CEP112: variants seen among roughly 807,000 people sequenced by gnomAD.
CEP112 encodes the protein centrosomal protein 112.
In CEP112, 127 loss-of-function variants were observed where a neutral mutation model predicts 153.0. The ratio of observed to expected loss-of-function variants is 0.83; its 90% confidence interval spans 0.72 to 0.96. The LOEUF is 0.96. Among genes scored for constraint, CEP112 ranks in the 40% least tolerant of loss-of-function variants. CEP112 has a pLI of 0.00. For missense variants in CEP112, 1,089 were observed against 1,101.2 expected (o/e 0.99, Z 0.16); for synonymous variants, 358 against 374.4 (o/e 0.96, Z 0.51).
At chr17:65,736,744 G>A (rs1266515004) in intron 23 of CEP112, among the ~76,000 whole-genome samples, 15 of 152,166 alleles carry the variant, frequency 9.9e-5, no homozygotes, top group Admixed American at 9.8e-4. Flanking sequence ...ACTAGAGTTA[G>A]TATGTAATTT....
At chr17:65,697,654 A>G (rs2048421545) in intron 23 of CEP112, among the ~76,000 whole-genome samples, 1 of 152,170 alleles carries the variant, frequency 6.6e-6, no homozygotes, top group Non-Finnish European at 1.5e-5. Context: ...GCAGCGTGAC[A>G]TTTTTACTGG....
intron 21 of CEP112, among the ~76,000 whole-genome samples, chr17:65,783,577 T>C (rs1054809791): frequency 2.6e-5 from 4 of 152,232 alleles, no homozygotes; most frequent in Admixed American, 2.0e-4. Flanking sequence ...AAAATTGTTG[T>C]ATAAAAATAA....
At chr17:65,931,012 T>C (rs1050558597) in intron 18 of CEP112, among the ~76,000 whole-genome samples, 5 of 152,270 alleles carry the variant, frequency 3.3e-5, no homozygotes, top group African/African-American at 4.8e-5. Flanking sequence ...TGTATTTCTC[T>C]ATAAAATGGA....
At chr17:66,081,947 A>G (rs1316839478) in intron 8 of CEP112, among the ~76,000 whole-genome samples, 1 of 152,198 alleles carries the variant, frequency 6.6e-6, no homozygotes, top group Non-Finnish European at 1.5e-5. Flanking sequence ...GGCATTACAC[A>G]TAATAAAGAA....
intron 17 of CEP112, among the ~76,000 whole-genome samples, chr17:65,989,841 A>G (rs952054059): frequency 1.3e-5 from 2 of 152,228 alleles, no homozygotes; most frequent in Non-Finnish European, 2.9e-5. Context: ...GGCAATATAA[A>G]GATGTGTAAT....
At chr17:65,817,702 A>G (rs1275605541) in intron 21 of CEP112, among the ~76,000 whole-genome samples, 1 of 151,956 alleles carries the variant, frequency 6.6e-6, no homozygotes, top group Non-Finnish European at 1.5e-5. Context: ...AGTGCTGTCT[A>G]ATTCCTTGGC....
chr17:65,962,229 C>T (rs1395837405), intron 17 of CEP112, among the ~76,000 whole-genome samples: 1 of 151,938 alleles, frequency 6.6e-6, no homozygotes, highest in African/African-American at 2.4e-5. Flanking sequence ...CCAAACTATA[C>T]ACTTCAAAGG....
At chr17:65,754,571 G>A (rs1324250839) in intron 21 of CEP112, among the ~76,000 whole-genome samples, 1 of 152,012 alleles carries the variant, frequency 6.6e-6, no homozygotes, top group Admixed American at 6.6e-5. Flanking sequence ...TCGTGCCACT[G>A]TGCTGCAGCC....
chr17:65,751,735 C>A (rs1461711020), intron 21 of CEP112, among the ~76,000 whole-genome samples: 3 of 152,196 alleles, frequency 2.0e-5, no homozygotes, highest in Non-Finnish European at 2.9e-5. Context: ...CCATCATATT[C>A]ATAATTCCCA....
At chr17:66,150,093 G>C (rs1287158601) in intron 4 of CEP112, among the ~76,000 whole-genome samples, 1 of 142,804 alleles carries the variant, frequency 7.0e-6, no homozygotes, top group East Asian at 2.1e-4. Flanking sequence ...GTAGAGACAA[G>C]GTTTCACCCG....
At chr17:65,705,015 G>A (rs1241396353) in intron 23 of CEP112, among the ~76,000 whole-genome samples, 7 of 152,212 alleles carry the variant, frequency 4.6e-5, no homozygotes, top group Non-Finnish European at 1.0e-4. Flanking sequence ...GCATACACGT[G>A]ATGGTGTTTT....
chr17:65,753,792 A>G (rs545876685), intron 21 of CEP112, among the ~76,000 whole-genome samples: 1 of 152,334 alleles, frequency 6.6e-6, no homozygotes, highest in East Asian at 1.9e-4. Context: ...AGAAAATCTA[A>G]AAATTAATTC....
chr17:66,185,729 C>CTT (rs1205920626), intron 1 of CEP112, among the ~76,000 whole-genome samples: 1 of 152,136 alleles, frequency 6.6e-6, no homozygotes, highest in African/African-American at 2.4e-5. Context: ...TGTGCGCTAC[C>CTT]TTTACATTAT....
chr17:65,810,564 A>G (rs1281455639), intron 21 of CEP112, among the ~76,000 whole-genome samples: 1 of 152,132 alleles, frequency 6.6e-6, no homozygotes, highest in African/African-American at 2.4e-5. Flanking sequence ...TAGATCTATA[A>G]AAACAGCACT....
chr17:66,056,852 G>C, intron 11 of CEP112, among the ~76,000 whole-genome samples: 1 of 152,094 alleles, frequency 6.6e-6, no homozygotes, highest in East Asian at 1.9e-4. Flanking sequence ...AAAAACCAAT[G>C]AATTGTATAC....
Position 65,720,474 on chromosome 17 carries a change from G to A in CEP112, c.2607+22594C>T, listed in dbSNP as rs540954484. Reference sequence around the variant, plus strand: ...CCGTGAAGGTTTCTAGGAAAGAGCTGTCAGAGAGGCAGAGGGCATCCCATT... The same window carrying A: ...CCGTGAAGGTTTCTAGGAAAGAGCTATCAGAGAGGCAGAGGGCATCCCATT... On this transcript the variant is annotated intron_variant, in intron 23 of 26. Coordinates refer to ENST00000535342, the MANE Select transcript of CEP112 (RefSeq NM_001199165.4). Among the ~76,000 whole-genome samples the A allele has an allele frequency of 1.8e-4, 27 of 152,320 alleles. No homozygotes were observed. The South Asian group carries it at 5.0e-3, about 28-fold the overall frequency.
chr17:66,130,335 G>C (rs2070079917), intron 5 of CEP112, among the ~76,000 whole-genome samples: 1 of 152,114 alleles, frequency 6.6e-6, no homozygotes, highest in Non-Finnish European at 1.5e-5. Context: ...GTCGGGGGCA[G>C]GGGCGACGTG....
intron 18 of CEP112, among the ~76,000 whole-genome samples, chr17:65,941,145 AG>A (rs1599090197): frequency 6.6e-6 from 1 of 152,192 alleles, no homozygotes; most frequent in East Asian, 1.9e-4. Context: ...CAAGGATGGT[AG>A]GCCTGATATA....
At chr17:65,918,354 C>A (rs958221659) in intron 19 of CEP112, among the ~76,000 whole-genome samples, 1 of 152,110 alleles carries the variant, frequency 6.6e-6, no homozygotes, top group African/African-American at 2.4e-5. Flanking sequence ...GCTTATCTTG[C>A]AGAATTTGTT....
Sources: allele counts gnomAD v4.1 joint callset (sites outside exome capture counted in the v4.1 genomes callset), GRCh38; gene constraint gnomAD v4.1.1; transcripts MANE v1.5; gene names NCBI Gene and HGNC (gene_info 2026-07-23, HGNC 2026-07-21).